Variants in USP7 observed in about 807,000 individuals in gnomAD.
The protein encoded by USP7 is ubiquitin specific peptidase 7, also known as ubiquitin C-terminal hydrolase 7.
In USP7, 9 loss-of-function variants were observed where a neutral mutation model predicts 162.9. The observed-to-expected ratio is 0.06, with a 90% CI of 0.03 to 0.10. The LOEUF is 0.10. Among genes scored for constraint, USP7 ranks in the 10% least tolerant of loss-of-function variants. The probability of loss-of-function intolerance (pLI) is 1.00; values close to 1 mark genes in which losing one functional copy is unlikely to be tolerated. For missense variants in USP7, 715 were observed against 1,373.7 expected (o/e 0.52, Z 7.58); for synonymous variants, 562 against 475.9 (o/e 1.18, Z -2.35).
chr16:8,919,500 C>A (rs761548832), intron 5 of USP7, among the ~76,000 whole-genome samples: 6 of 151,992 alleles, frequency 3.9e-5, no homozygotes, highest in Non-Finnish European at 8.8e-5. Context: ...GTCAGCACAA[C>A]GTGGAAAAAG....
chr16:8,930,484 G>A, intron 1 of USP7, 87 bp from the exon 2 acceptor site: 2 of 863,088 alleles, frequency 2.3e-6, no homozygotes, highest in Non-Finnish European at 3.4e-6. Flanking sequence ...TTTTGATGTT[G>A]CCTAATCATT....
rs2061618530 is a variant in USP7, at chr16:8,892,758, C to T, written c.*1240G>A. Reference sequence around the variant, plus strand: ...GAGTAGAAATCTTCCTCCACTTCCACGTAACTCACTGAATTATAATTTTTA... The same window carrying T: ...GAGTAGAAATCTTCCTCCACTTCCATGTAACTCACTGAATTATAATTTTTA... On this transcript the variant is annotated 3_prime_UTR_variant, in exon 31 of 31. Coordinates refer to ENST00000344836, the MANE Select transcript of USP7 (RefSeq NM_003470.3). 3 of 152,118 alleles carry T rather than the reference C, an allele frequency of 2.0e-5. No homozygotes were observed. The highest frequency in any genetic ancestry group is 6.5e-5 in the Admixed American group (1 of 15,270). The allele number at this position is 152,118 out of a possible 1,614,324, so 9.4% of individuals were successfully genotyped here. A position where few individuals can be genotyped will look rare whatever the true frequency, so the allele number is the denominator to read the frequency against.
rs200955473 is a variant in USP7 at position 8,949,980 on chromosome 16, T to C, written c.79+13227A>G. On this transcript the variant is annotated intron_variant, in intron 1 of 30. Coordinates refer to ENST00000344836, the MANE Select transcript of USP7 (RefSeq NM_003470.3). ...GGAAAACCCCCATTCACAGGCTCTG[T>C]CTAAACAGCAGTGCTGTCCCACCAA... Among the ~76,000 whole-genome samples, 12 of 152,346 alleles carry C rather than the reference T, an allele frequency of 7.9e-5. No homozygotes were observed. In the East Asian group the frequency reaches 2.1e-3, roughly 27 times the overall value.
intron 11 of USP7, among the ~76,000 whole-genome samples, chr16:8,909,693 C>T (rs554517847): frequency 4.2e-4 from 64 of 152,234 alleles, no homozygotes; most frequent in African/African-American, 1.4e-3. Flanking sequence ...TTTGGGAGGC[C>T]GAGGCAGGCG....
At chr16:8,910,877 G>A (rs1170864665) in intron 10 of USP7, 50 bp from the exon 11 acceptor site, 5 of 1,460,712 alleles carry the variant, frequency 3.4e-6, no homozygotes, top group African/African-American at 2.8e-5. Context: ...CATTTATAAT[G>A]TAGCCAACAC....
intron 25 of USP7, 137 bp from the exon 26 acceptor site, chr16:8,897,236 C>T: frequency 1.5e-6 from 1 of 664,732 alleles, no homozygotes; most frequent in Non-Finnish European, 2.6e-6. Flanking sequence ...CTCATTCCCA[C>T]CCCAACTCCC....
rs138490551 is a variant in USP7, at chr16:8,895,755, A to C, written c.2820-14T>G. Reference sequence around the variant, plus strand: ...ATTTCTAGCAGCCTGAACAGAGAGGAAAAAAAAATAGGGCAAAATGAAGTA... The same window carrying C: ...ATTTCTAGCAGCCTGAACAGAGAGGCAAAAAAAATAGGGCAAAATGAAGTA... On this transcript the variant is annotated splice_polypyrimidine_tract_variant and intron_variant, in intron 26 of 30. Transcript: ENST00000344836. 794 of 1,504,594 alleles carry C rather than the reference A, an allele frequency of 5.3e-4. 4 individuals carry two copies. The African/African-American group carries it at 8.4e-3, about 16-fold the overall frequency. 93.2% of individuals were successfully genotyped at this position (1,504,594 alleles called of 1,614,324 possible). A position where few individuals can be genotyped will look rare whatever the true frequency, so the allele number is the denominator to read the frequency against.
chr16:8,917,889 A>C (rs986174206), intron 6 of USP7, among the ~76,000 whole-genome samples: 13 of 152,006 alleles, frequency 8.6e-5, no homozygotes, highest in Non-Finnish European at 1.9e-4. Context: ...TCCCAGGTCC[A>C]CGCCATTCTC....
intron 20 of USP7, 76 bp downstream of exon 20, chr16:8,900,914 G>C: frequency 6.9e-7 from 1 of 1,450,318 alleles, no homozygotes; most frequent in South Asian, 1.2e-5. Context: ...TAACAAATTC[G>C]GGGTAAAAAG....
At chr16:8,895,196 T>C (rs750930936) in intron 27 of USP7, 46 bp from the exon 28 acceptor site, 1 of 1,613,182 alleles carries the variant, frequency 6.2e-7, no homozygotes, top group African/African-American at 1.3e-5. Context: ...GCAAGTGATG[T>C]GGTCAAAGTG....
chr16:8,959,719 A>T (rs1192520138), intron 1 of USP7, among the ~76,000 whole-genome samples: 3 of 152,244 alleles, frequency 2.0e-5, no homozygotes, highest in Non-Finnish European at 4.4e-5. Context: ...GCACAAGTTT[A>T]TCTGGCTGGG....
At chr16:8,945,922 G>C (rs1228582365) in intron 1 of USP7, among the ~76,000 whole-genome samples, 5 of 152,018 alleles carry the variant, frequency 3.3e-5, no homozygotes, top group African/African-American at 9.7e-5. Flanking sequence ...CAACAGCACT[G>C]ATTGAGAAAT....
intron 5 of USP7, among the ~76,000 whole-genome samples, chr16:8,920,046 C>T (rs1369867322): frequency 1.3e-5 from 2 of 152,212 alleles, no homozygotes; most frequent in South Asian, 4.1e-4. Context: ...AACGGAGCAT[C>T]TCTGCTCTGG....
chr16:8,918,682 G>A (rs542651626), intron 6 of USP7, among the ~76,000 whole-genome samples: 2 of 152,280 alleles, frequency 1.3e-5, no homozygotes, highest in Admixed American at 6.5e-5. Flanking sequence ...GGTGGCGGGT[G>A]CCTGTAATCC....
rs377644766 is a variant in USP7, at chr16:8,954,234, G to C, written c.79+8973C>G. Among the ~76,000 whole-genome samples the C allele has an allele frequency of 9.9e-5, 15 of 151,278 alleles. No homozygotes were observed. The East Asian group carries it at 1.8e-3, about 18-fold the overall frequency. On this transcript the variant is annotated intron_variant, in intron 1 of 30. Transcript: ENST00000344836. ...CCCTGCGGCGCCACTGGAGGCAGAG[G>C]GAAGACACGTGCCCCCTGCGGTGCC...
At chr16:8,956,971 T>C (rs1419332450) in intron 1 of USP7, among the ~76,000 whole-genome samples, 1 of 152,156 alleles carries the variant, frequency 6.6e-6, no homozygotes, top group Non-Finnish European at 1.5e-5. Context: ...GACACCCCTC[T>C]GCCCATCCCA....
intron 10 of USP7, among the ~76,000 whole-genome samples, chr16:8,915,015 G>A (rs181446672): frequency 1.3e-5 from 2 of 152,340 alleles, no homozygotes; most frequent in East Asian, 3.9e-4. Context: ...AGAAGTCCAC[G>A]TGGTGGTTTC....
At chr16:8,923,775 T>G (rs771226504) in intron 2 of USP7, among the ~76,000 whole-genome samples, 9 of 152,176 alleles carry the variant, frequency 5.9e-5, no homozygotes, top group Non-Finnish European at 1.3e-4. Context: ...TCATATCTGT[T>G]CAAGGACGGG....
At chr16:8,962,355 C>T (rs1900047666) in intron 1 of USP7, 1 of 198,482 alleles carries the variant, frequency 5.0e-6, no homozygotes, top group Non-Finnish European at 1.1e-5. Context: ...CGACCAACTC[C>T]CTAAATCCAA....
Sources: allele counts gnomAD v4.1 joint callset (sites outside exome capture counted in the v4.1 genomes callset), GRCh38; gene constraint gnomAD v4.1.1; transcripts MANE v1.5; gene names NCBI Gene and HGNC (gene_info 2026-07-23, HGNC 2026-07-21).